EYS: variants seen among roughly 807,000 people sequenced by gnomAD.
The protein encoded by EYS is EGF-like photoreceptor maintenance factor.
Under a neutral mutation model 282.1 loss-of-function variants are expected in EYS, and 250 were observed. The observed-to-expected ratio is 0.89, with a 90% CI of 0.80 to 0.98. EYS has a LOEUF of 0.98. Ranked by LOEUF, EYS falls within the 50% of genes least tolerant of loss-of-function variation. EYS has a pLI of 0.00. For synonymous variants in EYS, 1,355 were observed against 1,282.9 expected (o/e 1.06, Z -1.20); for missense variants, 4,016 against 3,709.0 (o/e 1.08, Z -2.15).
At chr6:65,233,180 GAC>G (rs1434118143) in intron 12 of EYS, among the ~76,000 whole-genome samples, 1 of 152,046 alleles carries the variant, frequency 6.6e-6, no homozygotes, top group Non-Finnish European at 1.5e-5. Context: ...CCCCATCAAA[GAC>G]AGTTTTTCTT....
At chr6:65,493,669 C>A (rs1459395365) in intron 4 of EYS, among the ~76,000 whole-genome samples, 1 of 152,154 alleles carries the variant, frequency 6.6e-6, no homozygotes, top group Non-Finnish European at 1.5e-5. Flanking sequence ...CCTCAGGCAG[C>A]ATCATTTACA....
intron 26 of EYS, among the ~76,000 whole-genome samples, chr6:64,524,800 G>T (rs1251838664): frequency 6.6e-6 from 1 of 151,452 alleles, no homozygotes; most frequent in Non-Finnish European, 1.5e-5. Flanking sequence ...CTTATTTTTG[G>T]GCTCTCTATT....
intron 36 of EYS, among the ~76,000 whole-genome samples, chr6:63,855,653 G>A (rs144733481): frequency 6.6e-6 from 1 of 152,224 alleles, no homozygotes; most frequent in East Asian, 1.9e-4. Context: ...AGGCAGATAG[G>A]GTGTCTACCT....
intron 2 of EYS, among the ~76,000 whole-genome samples, chr6:65,513,444 G>T (rs1251463551): frequency 6.6e-6 from 1 of 152,108 alleles, no homozygotes. Context: ...ATTTTAGGAG[G>T]CCAGCATCAT....
At chr6:64,598,167 A>G (rs1032447353) in intron 24 of EYS, among the ~76,000 whole-genome samples, 1 of 152,210 alleles carries the variant, frequency 6.6e-6, no homozygotes, top group East Asian at 1.9e-4. Context: ...TAAATTAAGA[A>G]AAAAGAGAAG....
At chr6:64,228,113 G>A (rs1766304528) in intron 31 of EYS, among the ~76,000 whole-genome samples, 1 of 152,008 alleles carries the variant, frequency 6.6e-6, no homozygotes, top group Non-Finnish European at 1.5e-5. Context: ...AGCAGTAGTC[G>A]ACATGTGTCA....
chr6:63,890,628 C>T (rs1023355104), intron 35 of EYS, among the ~76,000 whole-genome samples: 3 of 152,024 alleles, frequency 2.0e-5, no homozygotes, highest in Non-Finnish European at 4.4e-5. Context: ...CACTAAATGC[C>T]CACAGGAGAA....
intron 30 of EYS, among the ~76,000 whole-genome samples, chr6:64,244,827 A>G (rs536743863): frequency 1.3e-5 from 2 of 152,164 alleles, no homozygotes; most frequent in East Asian, 3.9e-4. Flanking sequence ...TTTATTTTCT[A>G]TCTTTTTTTA....
intron 8 of EYS, among the ~76,000 whole-genome samples, chr6:65,369,298 T>G (rs866089919): frequency 1.4e-5 from 1 of 70,850 alleles, no homozygotes; most frequent in Non-Finnish European, 4.1e-5. Flanking sequence ...ATATATATAT[T>G]TATGTATAAT....
At chr6:64,544,720 C>T (rs996569803) in intron 26 of EYS, among the ~76,000 whole-genome samples, 1 of 152,108 alleles carries the variant, frequency 6.6e-6, no homozygotes, top group Admixed American at 6.6e-5. Context: ...ATACAAACTA[C>T]CGTCAGAGAA....
At chr6:63,894,095 C>A (rs975446894) in intron 35 of EYS, among the ~76,000 whole-genome samples, 2 of 152,148 alleles carry the variant, frequency 1.3e-5, no homozygotes, top group African/African-American at 4.8e-5. Flanking sequence ...GTGTAATATT[C>A]TGAGTTTAAG....
intron 26 of EYS, among the ~76,000 whole-genome samples, chr6:64,504,141 G>A (rs73767830): frequency 0.051 from 7,831 of 152,170 alleles, 677 homozygotes; most frequent in African/African-American, 0.18. Context: ...GAAGGGCCTT[G>A]ACATCCATCC....
intron 12 of EYS, among the ~76,000 whole-genome samples, chr6:65,252,587 A>G (rs533327715): frequency 1.3e-4 from 20 of 152,136 alleles, no homozygotes; most frequent in Admixed American, 2.6e-4. Context: ...TCAACATATG[A>G]AGAACCAGAA....
At chr6:64,248,863 C>A (rs1205709873) in intron 30 of EYS, among the ~76,000 whole-genome samples, 2 of 151,894 alleles carry the variant, frequency 1.3e-5, no homozygotes, top group Non-Finnish European at 2.9e-5. Flanking sequence ...CGAGACCAGC[C>A]TGGGCAACAT....
intron 14 of EYS, among the ~76,000 whole-genome samples, chr6:64,963,960 T>C (rs371153160): frequency 2.6e-5 from 4 of 152,170 alleles, no homozygotes; most frequent in African/African-American, 7.2e-5. Context: ...AAAACACACA[T>C]GAATACACTA....
intron 26 of EYS, among the ~76,000 whole-genome samples, chr6:64,491,143 A>T (rs2150505912): frequency 6.6e-6 from 1 of 151,004 alleles, no homozygotes; most frequent in African/African-American, 2.4e-5. Context: ...AGAGCTTTTA[A>T]TGGGATCTAT....
At chr6:64,370,972 T>G (rs1169117306) in intron 29 of EYS, among the ~76,000 whole-genome samples, 1 of 152,072 alleles carries the variant, frequency 6.6e-6, no homozygotes, top group Non-Finnish European at 1.5e-5. Context: ...AGCAAGCTCC[T>G]AAATTCATTG....
intron 26 of EYS, among the ~76,000 whole-genome samples, chr6:64,493,483 G>A (rs925809363): frequency 2.0e-5 from 3 of 151,478 alleles, no homozygotes; most frequent in Admixed American, 6.6e-5. Flanking sequence ...TGAATGCTTC[G>A]TTAAAAGGAA....
intron 2 of EYS, among the ~76,000 whole-genome samples, chr6:65,621,248 C>G (rs1432476338): frequency 1.3e-5 from 2 of 152,164 alleles, no homozygotes; most frequent in Middle Eastern, 6.8e-3. Flanking sequence ...TGTATTGGGT[C>G]CATATATATT....
Sources: allele counts gnomAD v4.1 joint callset (sites outside exome capture counted in the v4.1 genomes callset), GRCh38; gene constraint gnomAD v4.1.1; transcripts MANE v1.5; gene names NCBI Gene and HGNC (gene_info 2026-07-23, HGNC 2026-07-21).